The following NEB variants were observed in gnomAD, a reference collection of about 807,000 sequenced individuals.
The protein encoded by NEB is nebulin.
Under a neutral mutation model 952.2 loss-of-function variants are expected in NEB, and 512 were observed. That is an observed-to-expected ratio of 0.54 (90% CI 0.50 to 0.58). NEB has a LOEUF of 0.58. Ranked by LOEUF, NEB falls within the 20% of genes least tolerant of loss-of-function variation. The pLI, the probability that NEB is intolerant of heterozygous loss-of-function variation, is 0.00. For missense variants in NEB, 8,428 were observed against 9,231.1 expected, an observed-to-expected ratio of 0.91 and a Z score of 3.56; for synonymous variants, 2,900 against 3,149.8, an observed-to-expected ratio of 0.92 and a Z score of 2.66.
intron 29 of NEB, 67 bp from the exon 30 acceptor site, chr2:151,680,895 T>C (rs1276081534): frequency 1.6e-6 from 2 of 1,240,038 alleles, no homozygotes; most frequent in Non-Finnish European, 2.4e-6. Flanking sequence ...GTCAAAATCC[T>C]TGAAATTTAT....
intron 10 of NEB, chr2:151,716,130 C>CTTTTTTTTTTTTTTTTTTTTTTTTTT: frequency 2.7e-6 from 1 of 366,066 alleles, no homozygotes; most frequent in Non-Finnish European, 5.5e-6. Flanking sequence ...CACTTTCTTT[C>CTTTTTTTTTTTTTTTTTTTTTTTTTT]TTTTTTTTTT....
At chr2:151,540,933 GT>G (rs1161611856) in intron 136 of NEB, 132 bp from the exon 137 acceptor site, 4 of 743,242 alleles carry the variant, frequency 5.4e-6, no homozygotes, top group Non-Finnish European at 6.8e-6. Flanking sequence ...TTGTTTGCTT[GT>G]TTTTTTGTTA....
intron 144 of NEB, among the ~76,000 whole-genome samples, chr2:151,531,508 G>A (rs2090959689): frequency 6.6e-6 from 1 of 151,842 alleles, no homozygotes; most frequent in Non-Finnish European, 1.5e-5. Flanking sequence ...GTAGAGATGG[G>A]GTTTTGCCAT....
rs1277889721 is a variant in NEB at position 151,629,536 on chromosome 2, C to T, written c.9831+3G>A. 1.2e-6 allele frequency: 2 copies of T among 1,606,962 alleles called. No homozygotes were observed. Among genetic ancestry groups the T allele is most frequent in the Non-Finnish European group, 8.5e-7 (1 of 1,173,616 alleles). ...TGTAAATATCTAGGGTGTTGCTACT[C>T]ACATCACTGATAACGTCCCTGGAGG... is the stretch of plus-strand genomic sequence containing the variant. On this transcript the variant is annotated splice_donor_region_variant and intron_variant, in intron 68 of 181. Transcript: ENST00000397345.
chr2:151,557,853 T>C (rs1472851880), intron 124 of NEB, among the ~76,000 whole-genome samples: 1 of 152,224 alleles, frequency 6.6e-6, no homozygotes, highest in Non-Finnish European at 1.5e-5. Flanking sequence ...AAACTAGGTA[T>C]TGATGGAATG....
chr2:151,698,880 T>TTA (rs2099621905), intron 13 of NEB, among the ~76,000 whole-genome samples: 1 of 141,660 alleles, frequency 7.1e-6, no homozygotes, highest in African/African-American at 2.6e-5. Flanking sequence ...TTTTTTTTTT[T>TTA]AATTATACTT....
At chr2:151,519,546 C>G in intron 154 of NEB, 112 bp downstream of exon 154, 1 of 782,176 alleles carries the variant, frequency 1.3e-6, no homozygotes. Context: ...GAAATAGTGA[C>G]AGTAGTTGGA....
intron 62 of NEB, 48 bp downstream of exon 62, chr2:151,639,809 G>C: frequency 6.9e-7 from 1 of 1,458,610 alleles, no homozygotes; most frequent in Non-Finnish European, 9.3e-7. Flanking sequence ...CTTTTTTGTT[G>C]ATTCAGCTTT....
Position 151,547,729 on chromosome 2 carries a change from G to C in NEB, c.20167C>G (p.Arg6723Gly), listed in dbSNP as rs765006379. The change falls in exon 132 of 182, where the codon CGG (arginine) becomes GGG (glycine). Residue 6723 changes from arginine to glycine, a missense_variant. By Grantham distance (125) the Arg-to-Gly change is moderately radical. Around this residue, in one of 11 missense-constraint regions of NEB, gnomAD observed 3,374 missense variants for 3,651.5 expected, o/e 0.92. Coordinates refer to ENST00000397345, the MANE Select transcript of NEB (RefSeq NM_001164508.2). The stretch of plus-strand genomic sequence containing the variant: ...TCTTTCAGTTTGTGGTACAATTCCC[G>C]ATACAGTCTCTACGTTGGAGGAAAT... ...VNNVTSERLY[R>G]ELYHKLKDKI... 1.2e-6 allele frequency: 2 copies of C among 1,612,400 alleles called. No homozygotes were observed. The highest frequency in any genetic ancestry group is 2.2e-5 in the South Asian group (2 of 90,818).
intron 75 of NEB, among the ~76,000 whole-genome samples, chr2:151,616,660 C>T (rs531240193): frequency 3.2e-4 from 48 of 152,296 alleles, no homozygotes; most frequent in African/African-American, 1.1e-3. Context: ...TGCCACTGCA[C>T]TCCAGCCTGG....
chr2:151,531,624 T>C (rs564576692), intron 144 of NEB, among the ~76,000 whole-genome samples, 168 bp downstream of exon 144: 3 of 152,196 alleles, frequency 2.0e-5, no homozygotes, highest in South Asian at 2.1e-4. Flanking sequence ...GCCACAACAA[T>C]TCTTTATTGG....
chr2:151,584,173 C>T lies in NEB; in HGVS notation c.15664-407G>A, dbSNP rs368377930. On this transcript the variant is annotated intron_variant, in intron 100 of 181. Coordinates refer to ENST00000397345, the MANE Select transcript of NEB (RefSeq NM_001164508.2). ...TCACAATGTCTCTATGAGGTAGATA[C>T]TATTATTAACATATATTCCAGTTGG... is the stretch of plus-strand genomic sequence containing the variant. Among the ~76,000 whole-genome samples the T allele has an allele frequency of 6.3e-4, 21 of 33,172 alleles. No individual in the cohort carries two copies. In the South Asian group the frequency reaches 0.028, roughly 43 times the overall value. 21.8% of individuals were successfully genotyped at this position (33,172 alleles called of 152,430 possible).
chr2:151,502,903 G>C lies in NEB; in HGVS notation c.23836-18C>G, dbSNP rs769274568. The C allele has an allele frequency of 6.9e-7, 1 of 1,439,920 alleles. No individual in the cohort carries two copies. The highest frequency in any genetic ancestry group is 1.8e-5 in the Admixed American group (1 of 55,688). 89.2% of individuals were successfully genotyped at this position (1,439,920 alleles called of 1,614,324 possible). A position where few individuals can be genotyped will look rare whatever the true frequency, so the allele number is the denominator to read the frequency against. On this transcript the variant is annotated intron_variant, in intron 166 of 181. Transcript: ENST00000397345. ...TACAAAACCTGTGAGATACAAGAAA[G>C]TACCCAGAGGACATTTAAAACAGGC... is the stretch of plus-strand genomic sequence containing the variant.
At chr2:151,619,802 G>C (rs753936212) in intron 72 of NEB, 40 bp from the exon 73 acceptor site, 2 of 1,561,012 alleles carry the variant, frequency 1.3e-6, no homozygotes, top group East Asian at 4.5e-5. Context: ...GAAGCACAAA[G>C]GGCTATTCCC....
At chr2:151,495,863 G>GTAAAT (rs766157436) in intron 173 of NEB, among the ~76,000 whole-genome samples, 7 of 152,098 alleles carry the variant, frequency 4.6e-5, no homozygotes, top group Non-Finnish European at 8.8e-5. Context: ...ATCTGACAGG[G>GTAAAT]TAAATTAGAA....
At position 151,617,384 on chromosome 2, in the gene NEB, TG is replaced by T; in HGVS notation, c.11160del (p.Asn3721ThrfsTer3). On this transcript the variant is annotated frameshift_variant, in exon 75 of 182. Coordinates refer to ENST00000397345, the MANE Select transcript of NEB (RefSeq NM_001164508.2). LOFTEE classifies it high-confidence loss of function. Reference sequence around the variant, plus strand: ...CTTACATCACTGTAGTTTATTCGGTTGAGTTTGGCTAACATGATTTCTGGTG... The same window carrying T: ...CTTACATCACTGTAGTTTATTCGGTTAGTTTGGCTAACATGATTTCTGGTG... ...PDTPEIMLAK[L>X]NRINYSDKLY... 1.3e-6 allele frequency: 2 copies of T among 1,561,242 alleles called. No individual in the cohort carries two copies. The highest frequency in any genetic ancestry group is 1.7e-6 in the Non-Finnish European group (2 of 1,149,076).
At chr2:151,719,135 A>AT (rs2099767309) in intron 9 of NEB, among the ~76,000 whole-genome samples, 2 of 152,192 alleles carry the variant, frequency 1.3e-5, no homozygotes, top group East Asian at 1.9e-4. Flanking sequence ...TGACACTGTA[A>AT]TTTTTTGTCT....
chr2:151,635,807 A>G lies in NEB; in HGVS notation c.9102+420T>C, dbSNP rs138072848. Among the ~76,000 whole-genome samples, 961 of 152,100 alleles carry G rather than the reference A, an allele frequency of 6.3e-3. 2 individuals carry two copies. The highest frequency in any genetic ancestry group is 0.022 in the African/African-American group (908 of 41,496). ...ATAAGGGCAAATTTCAATAGCAAGC[A>G]CCGCATGTGTTTTAAAATACTATCT... On this transcript the variant is annotated intron_variant, in intron 64 of 181. Transcript: ENST00000397345.
chr2:151,606,742 C>T (rs1171336716), intron 83 of NEB, 29 bp from the exon 84 acceptor site: 1 of 746,300 alleles, frequency 1.3e-6, no homozygotes, highest in African/African-American at 1.6e-5. Flanking sequence ...GGTTTGTTTA[C>T]AAGAATGGAA....
Sources: allele counts gnomAD v4.1 joint callset (sites outside exome capture counted in the v4.1 genomes callset), GRCh38; gene constraint gnomAD v4.1.1; regional missense constraint gnomAD v4.1.1; transcripts MANE v1.5; gene names NCBI Gene and HGNC (gene_info 2026-07-23, HGNC 2026-07-21).